The following ULK4 variants were observed in gnomAD, a reference collection of about 807,000 sequenced individuals.
The protein encoded by ULK4 is inactive serine/threonine-protein kinase ULK4.
In ULK4, 133 loss-of-function variants were observed where a neutral mutation model predicts 160.6. That is an observed-to-expected ratio of 0.83 (90% CI 0.72 to 0.96). The LOEUF is 0.96. ULK4 is among the 40% of genes least tolerant of loss of function. The probability of loss-of-function intolerance (pLI) is 0.00; values close to 1 mark genes in which losing one functional copy is unlikely to be tolerated. For missense variants in ULK4, 1,580 were observed against 1,499.5 expected (o/e 1.05, Z -0.89); for synonymous variants, 534 against 539.8 (o/e 0.99, Z 0.15).
At chr3:41,398,421 T>C (rs1256468619) in intron 34 of ULK4, among the ~76,000 whole-genome samples, 157 bp from the exon 35 acceptor site, 1 of 151,932 alleles carries the variant, frequency 6.6e-6, no homozygotes, top group African/African-American at 2.4e-5. Flanking sequence ...TCCCACTCTG[T>C]TGCCCAGGCT....
chr3:41,596,840 T>C (rs752346654), intron 31 of ULK4, among the ~76,000 whole-genome samples: 5 of 152,146 alleles, frequency 3.3e-5, no homozygotes, highest in Non-Finnish European at 7.4e-5. Flanking sequence ...GCAGACATCA[T>C]TACAGAAGGG....
At chr3:41,734,757 T>C (rs1180550605) in intron 22 of ULK4, among the ~76,000 whole-genome samples, 2 of 152,338 alleles carry the variant, frequency 1.3e-5, no homozygotes, top group South Asian at 2.1e-4. Context: ...CTTTTTCACA[T>C]AGTCCCACTG....
chr3:41,418,549 T>C (rs2082587574), intron 34 of ULK4, among the ~76,000 whole-genome samples: 1 of 152,198 alleles, frequency 6.6e-6, no homozygotes, highest in Non-Finnish European at 1.5e-5. Flanking sequence ...CTTTTTCTGG[T>C]CTTCATTTCC....
At chr3:41,894,256 T>C (rs184054425) in intron 16 of ULK4, among the ~76,000 whole-genome samples, 168 of 152,342 alleles carry the variant, frequency 1.1e-3, no homozygotes, top group African/African-American at 3.9e-3. Flanking sequence ...TGATTCATTT[T>C]TAATGAGCAT....
intron 34 of ULK4, among the ~76,000 whole-genome samples, chr3:41,415,065 T>A (rs1289025679): frequency 6.6e-6 from 1 of 152,232 alleles, no homozygotes; most frequent in Non-Finnish European, 1.5e-5. Flanking sequence ...ACTGCCCTAA[T>A]TAACTTTCCT....
At chr3:41,311,672 G>A (rs530840618) in intron 35 of ULK4, among the ~76,000 whole-genome samples, 12 of 152,038 alleles carry the variant, frequency 7.9e-5, no homozygotes, top group African/African-American at 1.9e-4. Flanking sequence ...GAGTTCAAGC[G>A]ATTCTCCTGC....
At chr3:41,814,604 C>G (rs994338359) in intron 19 of ULK4, among the ~76,000 whole-genome samples, 1 of 151,840 alleles carries the variant, frequency 6.6e-6, no homozygotes, top group Non-Finnish European at 1.5e-5. Context: ...TTTAAATTGC[C>G]CTCTTAGGGT....
At chr3:41,807,134 A>C (rs1343445966) in intron 19 of ULK4, among the ~76,000 whole-genome samples, 1 of 151,460 alleles carries the variant, frequency 6.6e-6, no homozygotes, top group Non-Finnish European at 1.5e-5. Context: ...TCTCAAAAAA[A>C]TAAAAAAATT....
At position 41,269,647 on chromosome 3, in the gene ULK4, A is replaced by C. The variant is rs189004159; in HGVS notation, c.3679-20073T>G. ...AATGAAATACAATGTATAAAGATGC[A>C]AATTTATGAAAAACAAATTATTATA... On this transcript the variant is annotated intron_variant, in intron 35 of 36. Coordinates refer to ENST00000301831, the MANE Select transcript of ULK4 (RefSeq NM_017886.4). Among the ~76,000 whole-genome samples, 242 of 152,364 alleles carry C rather than the reference A, an allele frequency of 1.6e-3. 1 individual carries two copies. The highest frequency in any genetic ancestry group is 5.5e-3 in the African/African-American group (229 of 41,580).
chr3:41,347,379 G>C (rs1413021578), intron 35 of ULK4, among the ~76,000 whole-genome samples: 1 of 152,176 alleles, frequency 6.6e-6, no homozygotes. Context: ...AAACCAGACA[G>C]GCCACAACAT....
In ULK4 at chr3:41,681,647, A is replaced by C. The variant is rs753685173; in HGVS notation, c.2839T>G (p.Trp947Gly). ...AGCAACCGCAAGCTAAAGAGTCTCC[A>C]CTCCACTTGAAAGAAAAAAAAAATG... ...VSLVQSQNVE[W>G]RLFSLRLLSE... The change falls in exon 29 of 37, where the codon TGG (tryptophan) becomes GGG (glycine). Residue 947 changes from tryptophan (W) to glycine (G), a missense_variant. Coordinates refer to ENST00000301831, the MANE Select transcript of ULK4 (RefSeq NM_017886.4). 3.7e-6 allele frequency: 6 copies of C among 1,612,856 alleles called. No individual in the cohort carries two copies. Among genetic ancestry groups the C allele is most frequent in the Non-Finnish European group, 5.1e-6 (6 of 1,179,756 alleles).
chr3:41,933,620 A>G (rs1243991525), intron 4 of ULK4, among the ~76,000 whole-genome samples: 1 of 152,158 alleles, frequency 6.6e-6, no homozygotes, highest in Non-Finnish European at 1.5e-5. Context: ...CAACTCCCGG[A>G]TAGATATCAG....
At chr3:41,370,606 C>T (rs1221302420) in intron 35 of ULK4, among the ~76,000 whole-genome samples, 9 of 152,172 alleles carry the variant, frequency 5.9e-5, no homozygotes, top group Admixed American at 5.2e-4. Flanking sequence ...GACTGTGCCA[C>T]GAGCGACGGA....
At chr3:41,766,093 A>G (rs1483778484) in intron 21 of ULK4, among the ~76,000 whole-genome samples, 1 of 151,638 alleles carries the variant, frequency 6.6e-6, no homozygotes, top group Non-Finnish European at 1.5e-5. Flanking sequence ...AGACGGTAAA[A>G]CCCCATCTCT....
intron 9 of ULK4, 83 bp from the exon 10 acceptor site, chr3:41,911,742 G>T: frequency 9.5e-7 from 1 of 1,055,038 alleles, no homozygotes; most frequent in South Asian, 1.4e-5. Flanking sequence ...GGTTGGAGAA[G>T]ATAATTAAAT....
intron 34 of ULK4, among the ~76,000 whole-genome samples, chr3:41,413,721 G>T (rs1039688258): frequency 2.0e-5 from 3 of 151,968 alleles, no homozygotes; most frequent in African/African-American, 7.3e-5. Flanking sequence ...CTGGGAACCA[G>T]AACTCCCCAA....
chr3:41,732,508 T>C (rs2037867535), intron 22 of ULK4, among the ~76,000 whole-genome samples: 2 of 152,120 alleles, frequency 1.3e-5, no homozygotes, highest in African/African-American at 2.4e-5. Context: ...GGAGTTCTTA[T>C]ATACTGTTAG....
intron 32 of ULK4, among the ~76,000 whole-genome samples, chr3:41,546,675 A>G (rs77254466): frequency 0.018 from 2,773 of 150,372 alleles, 87 homozygotes; most frequent in African/African-American, 0.063. Flanking sequence ...GTTAATCCTC[A>G]CTAGCTCACA....
At chr3:41,261,284 C>T (rs2125676841) in intron 35 of ULK4, among the ~76,000 whole-genome samples, 1 of 152,282 alleles carries the variant, frequency 6.6e-6, no homozygotes, top group South Asian at 2.1e-4. Flanking sequence ...TAACTGCTTT[C>T]AAACATATAA....
Sources: allele counts gnomAD v4.1 joint callset (sites outside exome capture counted in the v4.1 genomes callset), GRCh38; gene constraint gnomAD v4.1.1; transcripts MANE v1.5; gene names NCBI Gene and HGNC (gene_info 2026-07-23, HGNC 2026-07-21).